EXOSC4: variants seen among roughly 807,000 people sequenced by gnomAD.
EXOSC4 encodes exosome complex component RRP41.
EXOSC4 carries 14 observed loss-of-function variants against 20.0 expected under a neutral mutation model. That is an observed-to-expected ratio of 0.70 (90% CI 0.46 to 1.09). The LOEUF (loss-of-function observed/expected upper bound fraction) is 1.09. Among genes scored for constraint, EXOSC4 ranks in the 50% least tolerant of loss-of-function variants. The probability of loss-of-function intolerance (pLI) is 0.00; values close to 1 mark genes in which losing one functional copy is unlikely to be tolerated. For synonymous variants in EXOSC4, 148 were observed against 146.4 expected, an observed-to-expected ratio of 1.01 and a Z score of -0.08; for missense variants, 337 against 334.0, an observed-to-expected ratio of 1.01 and a Z score of -0.07.
At chr8:144,078,437 C>T, upstream of EXOSC4, 1 of 283,886 alleles carries the variant, frequency 3.5e-6, no homozygotes, top group Admixed American at 5.3e-5. The surrounding 1 kb of genome is among the most constrained non-coding windows in gnomAD (Gnocchi z 4.7). Flanking sequence ...TCCCCGATAG[C>T]GCCGCCGCAG....
the EXOSC4 span, among the ~76,000 whole-genome samples, chr8:144,066,436 CTT>C: frequency 5.2e-3 from 507 of 98,034 alleles, 2 homozygotes; most frequent in South Asian, 0.021. Flanking sequence ...GAGTTTTTCT[CTT>C]TTTTTTTTTT....
At chr8:144,073,317 C>T in the EXOSC4 span, among the ~76,000 whole-genome samples, 2 of 152,024 alleles carry the variant, frequency 1.3e-5, no homozygotes, top group South Asian at 2.1e-4. Context: ...ACCCAGGAGG[C>T]GAAGATTGCA....
the EXOSC4 span, among the ~76,000 whole-genome samples, chr8:144,072,477 G>A: frequency 1.2e-4 from 18 of 152,044 alleles, no homozygotes; most frequent in Non-Finnish European, 2.2e-4. Flanking sequence ...CACCGCGCCC[G>A]ACCTACAATT....
the EXOSC4 span, among the ~76,000 whole-genome samples, chr8:144,067,396 T>A: frequency 6.6e-6 from 1 of 152,144 alleles, no homozygotes; most frequent in South Asian, 2.1e-4. Flanking sequence ...ATGAAAGAGA[T>A]TCCACACAGG....
At chr8:144,078,665 G>A, upstream of EXOSC4, 9 of 1,342,690 alleles carry the variant, frequency 6.7e-6, no homozygotes, top group Non-Finnish European at 8.6e-6. This position sits in a 1 kb window ranked among gnomAD's most constrained non-coding sequence, Gnocchi z 4.7. Context: ...CGGAGCCGCC[G>A]GGAGCTGTAG....
upstream of EXOSC4, chr8:144,078,638 C>A: frequency 7.7e-7 from 1 of 1,302,188 alleles, no homozygotes; most frequent in Non-Finnish European, 9.9e-7. This position sits in a 1 kb window ranked among gnomAD's most constrained non-coding sequence, Gnocchi z 4.7. Flanking sequence ...CTCCGGAAAC[C>A]GTAGATTCCG....
chr8:144,070,099 A>G, the EXOSC4 span, among the ~76,000 whole-genome samples: 1 of 152,230 alleles, frequency 6.6e-6, no homozygotes, highest in Non-Finnish European at 1.5e-5. Flanking sequence ...TCTTTCTAGT[A>G]AACCCAGATC....
Position 144,079,949 on chromosome 8 carries a change from G to A in EXOSC4, c.178G>A (p.Gly60Ser), listed in dbSNP as rs1554763245. 3 of 1,614,012 alleles carry A rather than the reference G, an allele frequency of 1.9e-6. No homozygotes were observed. Among genetic ancestry groups the A allele is most frequent in the Non-Finnish European group, 1.7e-6 (2 of 1,180,018 alleles). ...AVVYGPHEIR[G>S]SRARALPDRA... ...TGTGTCTGTCCTCTTCCAGATCCGG[G>A]GCTCCCGGGCTCGAGCCCTGCCGGA... Residue 60 changes from glycine (G) to serine (S), a missense_variant, in exon 2 of 3, where the codon GGC becomes AGC. Transcript: ENST00000316052.
Position 144,079,969 on chromosome 8 carries a change from GCCGGAC to G in EXOSC4, c.199_204del (p.Pro67_Asp68del). 1.9e-6 allele frequency: 3 copies of G among 1,613,026 alleles called. No individual in the cohort carries two copies. The South Asian group carries it at 3.3e-5, about 18-fold the overall frequency. ...TCCGGGGCTCCCGGGCTCGAGCCCTGCCGGACAGGGCCCTAGTGAACTGTCAATATA... is the reference window on the plus strand; with the variant it reads ...TCCGGGGCTCCCGGGCTCGAGCCCTGAGGGCCCTAGTGAACTGTCAATATA... On this transcript the variant is annotated inframe_deletion, in exon 2 of 3. Transcript: ENST00000316052.
chr8:144,075,966 CAA>C (rs1299644322), upstream of EXOSC4, among the ~76,000 whole-genome samples: 2 of 152,194 alleles, frequency 1.3e-5, no homozygotes, highest in African/African-American at 4.8e-5. Flanking sequence ...TCTTCACAGG[CAA>C]GTTTGAAGAG....
rs782427234 is a variant in EXOSC4, at chr8:144,078,801, A to G, written c.73A>G (p.Ile25Val). The G allele has an allele frequency of 6.4e-7, 1 of 1,573,426 alleles. No homozygotes were observed. Among genetic ancestry groups the G allele is most frequent in the Admixed American group, 1.8e-5 (1 of 55,118 alleles). The change falls in exon 1 of 3, where the codon ATC (isoleucine) becomes GTC (valine). Residue 25 changes from isoleucine to valine, a missense_variant. Ile to Val is a conservative substitution (Grantham distance 29). Coordinates refer to ENST00000316052, the MANE Select transcript of EXOSC4 (RefSeq NM_019037.3). This position sits in a 1 kb window ranked among gnomAD's most constrained non-coding sequence, Gnocchi z 4.7. ...DGRRAGELRK[I>V]QARMGVFAQA... is the part of the protein sequence containing the mutation. ...GCGGCGCGCCGGGGAGCTGCGCAAG[A>G]TCCAGGCGCGGATGGGCGTGTTCGC...
chr8:144,064,773 C>T, the EXOSC4 span, among the ~76,000 whole-genome samples: 2 of 152,200 alleles, frequency 1.3e-5, no homozygotes, highest in Admixed American at 6.5e-5. Context: ...GCCACCCTCA[C>T]CCTCAGTGGT....
chr8:144,066,181 T>C, the EXOSC4 span, among the ~76,000 whole-genome samples: 1 of 149,094 alleles, frequency 6.7e-6, no homozygotes, highest in East Asian at 2.0e-4. Flanking sequence ...CACACCTGGC[T>C]GATTTTTTTT....
intron 1 of EXOSC4, 197 bp downstream of exon 1, chr8:144,079,096 C>A: frequency 1.8e-6 from 1 of 551,626 alleles, no homozygotes; most frequent in South Asian, 4.3e-5. Context: ...TCTCATCGGC[C>A]TCTGTCCCTG....
the EXOSC4 span, among the ~76,000 whole-genome samples, chr8:144,071,850 T>G: frequency 6.6e-6 from 1 of 151,982 alleles, no homozygotes; most frequent in African/African-American, 2.4e-5. Flanking sequence ...GGTGGTGGCA[T>G]GCACCTGTAG....
chr8:144,078,754 A>G lies in EXOSC4; in HGVS notation c.26A>G (p.Asp9Gly). Residue 9 changes from aspartate to glycine, a missense_variant, in exon 1 of 3, where the codon GAC becomes GGC. Coordinates refer to ENST00000316052, the MANE Select transcript of EXOSC4 (RefSeq NM_019037.3). The surrounding 1 kb of genome is among the most constrained non-coding windows in gnomAD (Gnocchi z 4.7). MAGLELLS[D>G]QGYRVDGRRA... ...ATGGCGGGGCTGGAGCTCTTGTCGG[A>G]CCAGGGCTACCGGGTGGACGGGCGG... 6.7e-7 allele frequency: 1 copy of G among 1,503,376 alleles called. No homozygotes were observed. Among genetic ancestry groups the G allele is most frequent in the Non-Finnish European group, 8.9e-7 (1 of 1,126,090 alleles). 93.1% of individuals were successfully genotyped at this position (1,503,376 alleles called of 1,614,324 possible). A position where few individuals can be genotyped will look rare whatever the true frequency, so the allele number is the denominator to read the frequency against.
the EXOSC4 span, among the ~76,000 whole-genome samples, chr8:144,065,708 C>A: frequency 6.6e-6 from 1 of 152,068 alleles, no homozygotes; most frequent in South Asian, 2.1e-4. Context: ...GCACTCCAGC[C>A]TGGGCAACAG....
At chr8:144,077,883 T>G (rs1835850768), upstream of EXOSC4, 2 of 152,130 alleles carry the variant, frequency 1.3e-5, no homozygotes, top group Non-Finnish European at 2.9e-5. Context: ...ACCAAAGATG[T>G]GAGGGAGAAA....
chr8:144,065,364 G>A, the EXOSC4 span, among the ~76,000 whole-genome samples: 4 of 152,256 alleles, frequency 2.6e-5, no homozygotes, highest in Middle Eastern at 3.4e-3. Context: ...TGCGAGTGGG[G>A]GCAGTGCCCC....
Sources: gnomAD v4.1 joint callset for allele counts (sites outside exome capture counted in the v4.1 genomes callset) on GRCh38, gnomAD v4.1.1 for gene constraint, Gnocchi (gnomAD v3.1) non-coding constraint, MANE v1.5 for transcripts, NCBI Gene and HGNC (gene_info 2026-07-23, HGNC 2026-07-21) for gene names.